GIGYF2: variants seen among roughly 807,000 people sequenced by gnomAD.
GIGYF2 encodes GRB10 interacting GYF protein 2, also known as GRB10-interacting GYF protein 2.
In GIGYF2, 25 loss-of-function variants were observed where a neutral mutation model predicts 208.1. That is an observed-to-expected ratio of 0.12 (90% CI 0.09 to 0.17). The LOEUF (loss-of-function observed/expected upper bound fraction) is 0.17, where lower values mean the gene tolerates loss of function less well. Among genes scored for constraint, GIGYF2 ranks in the 10% least tolerant of loss-of-function variants. The pLI, the probability that GIGYF2 is intolerant of heterozygous loss-of-function variation, is 1.00. For synonymous variants in GIGYF2, 534 were observed against 543.8 expected (o/e 0.98, Z 0.25); for missense variants, 1,302 against 1,579.4 (o/e 0.82, Z 2.98).
At chr2:232,719,505 A>G (rs1301520648) in intron 2 of GIGYF2, among the ~76,000 whole-genome samples, 2 of 152,192 alleles carry the variant, frequency 1.3e-5, no homozygotes, top group African/African-American at 4.8e-5. Context: ...TGTAAACTCA[A>G]CAATAAGAAG....
At chr2:232,839,783 A>G (rs1701760958) in intron 22 of GIGYF2, 66 bp from the exon 23 acceptor site, 2 of 1,528,322 alleles carry the variant, frequency 1.3e-6, no homozygotes, top group East Asian at 2.2e-5. Context: ...TACATAATGC[A>G]TTATTGCTTC....
chr2:232,785,197 C>CG (rs1254431225), intron 8 of GIGYF2, among the ~76,000 whole-genome samples: 1 of 152,086 alleles, frequency 6.6e-6, no homozygotes, highest in African/African-American at 2.4e-5. Context: ...ATTCCAGACA[C>CG]GTCCTGCAGG....
chr2:232,719,927 A>C (rs1173399573), intron 2 of GIGYF2, among the ~76,000 whole-genome samples: 2 of 151,858 alleles, frequency 1.3e-5, no homozygotes, highest in Non-Finnish European at 2.9e-5. Flanking sequence ...TTTTTGTTAT[A>C]GATTAAGTTC....
intron 16 of GIGYF2, 125 bp from the exon 17 acceptor site, chr2:232,811,119 T>C (rs1396089566): frequency 2.4e-5 from 16 of 664,476 alleles, no homozygotes; most frequent in Non-Finnish European, 2.7e-6. Context: ...TTATAAAATA[T>C]ATTTGATAGC....
In GIGYF2 at chr2:232,820,255, C is replaced by T. The variant is rs116941627; in HGVS notation, c.2529+270C>T. On this transcript the variant is annotated intron_variant, in intron 21 of 28. Transcript: ENST00000373563. Reference sequence around the variant, plus strand: ...GTAAAATACATGGTCTTTTTTAAAGCAAGTTTCAAACTAAAGCGGAATAGT... The same window carrying T: ...GTAAAATACATGGTCTTTTTTAAAGTAAGTTTCAAACTAAAGCGGAATAGT... Among the ~76,000 whole-genome samples, 71 of 151,450 alleles carry T rather than the reference C, an allele frequency of 4.7e-4. No individual in the cohort carries two copies. The East Asian group carries it at 0.013, about 28-fold the overall frequency.
intron 8 of GIGYF2, among the ~76,000 whole-genome samples, chr2:232,777,613 T>TCCCCCCCCC (rs3214757): frequency 2.3e-5 from 3 of 131,628 alleles, no homozygotes; most frequent in African/African-American, 8.7e-5. Context: ...ATCCTCTCCG[T>TCCCCCCCCC]CCCCCCCCCG....
At chr2:232,824,757 C>T (rs915083304) in intron 21 of GIGYF2, among the ~76,000 whole-genome samples, 3 of 152,166 alleles carry the variant, frequency 2.0e-5, no homozygotes, top group South Asian at 2.1e-4. Flanking sequence ...AATGAAACAG[C>T]GTTCTACTAG....
chr2:232,711,766 A>G (rs930518015), intron 2 of GIGYF2, among the ~76,000 whole-genome samples: 1 of 146,772 alleles, frequency 6.8e-6, no homozygotes, highest in African/African-American at 2.5e-5. Context: ...AGATAATTGC[A>G]GATATTCTTT....
intron 28 of GIGYF2, among the ~76,000 whole-genome samples, chr2:232,852,809 T>C (rs897516429): frequency 6.6e-6 from 1 of 152,198 alleles, no homozygotes; most frequent in African/African-American, 2.4e-5. Flanking sequence ...GACTTGAGGA[T>C]AGGCTGTTAG....
chr2:232,829,156 T>C (rs1246285594), intron 21 of GIGYF2, among the ~76,000 whole-genome samples: 2 of 152,218 alleles, frequency 1.3e-5, no homozygotes, highest in Non-Finnish European at 2.9e-5. Flanking sequence ...CCTTTAAATG[T>C]TAGTATTTGC....
chr2:232,762,614 G>A (rs1446109401), intron 8 of GIGYF2, among the ~76,000 whole-genome samples: 1 of 152,124 alleles, frequency 6.6e-6, no homozygotes, highest in Non-Finnish European at 1.5e-5. Context: ...CTGACTTGCA[G>A]ATTGTTTTAA....
intron 2 of GIGYF2, among the ~76,000 whole-genome samples, chr2:232,721,692 C>G (rs963705597): frequency 6.6e-6 from 1 of 152,208 alleles, no homozygotes; most frequent in African/African-American, 2.4e-5. Flanking sequence ...GTGCAAAACT[C>G]TCTTTCCTCT....
At chr2:232,842,030 G>T (rs1390066870) in intron 23 of GIGYF2, among the ~76,000 whole-genome samples, 1 of 151,266 alleles carries the variant, frequency 6.6e-6, no homozygotes, top group Non-Finnish European at 1.5e-5. Flanking sequence ...TTTTTGAGAC[G>T]GGTGTCACTG....
At chr2:232,776,603 G>A (rs1699524784) in intron 8 of GIGYF2, 1 of 681,704 alleles carries the variant, frequency 1.5e-6, no homozygotes, top group Non-Finnish European at 2.7e-6. Context: ...ATAATGTTGT[G>A]GGGGCTGGTT....
chr2:232,727,743 G>C (rs1443918926), intron 2 of GIGYF2, among the ~76,000 whole-genome samples: 1 of 152,108 alleles, frequency 6.6e-6, no homozygotes, highest in East Asian at 1.9e-4. Flanking sequence ...TTTCTGCTTT[G>C]GGGTAGCCTT....
rs1482482784 is a variant in GIGYF2, at chr2:232,763,197, G to A, written c.532+1761G>A. ...GTACTTTTGCCATGAATATGTAGAG[G>A]GGATGAACAGTAGTTTAAAGAGTAC... On this transcript the variant is annotated intron_variant, in intron 8 of 28. Coordinates refer to ENST00000373563, the MANE Select transcript of GIGYF2 (RefSeq NM_001103146.3). Among the ~76,000 whole-genome samples the A allele has an allele frequency of 3.3e-5, 5 of 152,156 alleles. No homozygotes were observed. In the South Asian group the frequency reaches 1.0e-3, roughly 32 times the overall value.
chr2:232,717,357 A>G (rs765065916), intron 2 of GIGYF2, among the ~76,000 whole-genome samples: 2 of 152,154 alleles, frequency 1.3e-5, no homozygotes, highest in Non-Finnish European at 2.9e-5. Flanking sequence ...TGGTAAATAC[A>G]TGCACAAATG....
chr2:232,811,178 C>A, intron 16 of GIGYF2, 66 bp from the exon 17 acceptor site: 1 of 834,034 alleles, frequency 1.2e-6, no homozygotes, highest in Non-Finnish European at 2.1e-6. Flanking sequence ...CTTTGTCTTT[C>A]AGCATCTCAG....
intron 1 of GIGYF2, among the ~76,000 whole-genome samples, chr2:232,701,828 T>G (rs1251285309): frequency 6.6e-6 from 1 of 151,996 alleles, no homozygotes; most frequent in African/African-American, 2.4e-5. Context: ...CACTGAACTG[T>G]GTAATTTTTT....
Sources: gnomAD v4.1 joint callset for allele counts (sites outside exome capture counted in the v4.1 genomes callset) on GRCh38, gnomAD v4.1.1 for gene constraint, MANE v1.5 for transcripts, NCBI Gene and HGNC (gene_info 2026-07-23, HGNC 2026-07-21) for gene names.